The following RARB variants were observed in gnomAD, a reference collection of about 807,000 sequenced individuals.
RARB encodes HBV-activated protein.
RARB carries 17 observed loss-of-function variants against 51.9 expected under a neutral mutation model. That is an observed-to-expected ratio of 0.33 (90% CI 0.22 to 0.49). The LOEUF (loss-of-function observed/expected upper bound fraction) is 0.49. Ranked by LOEUF, RARB falls within the 20% of genes least tolerant of loss-of-function variation. The probability of loss-of-function intolerance (pLI) is 0.99; values close to 1 mark genes in which losing one functional copy is unlikely to be tolerated. For synonymous variants in RARB, 215 were observed against 195.4 expected (o/e 1.10, Z -0.84); for missense variants, 369 against 550.8 (o/e 0.67, Z 3.30).
At chr3:25,329,484 T>C (rs1159266725) in intron 5 of RARB, among the ~76,000 whole-genome samples, 1 of 151,508 alleles carries the variant, frequency 6.6e-6, no homozygotes, top group Admixed American at 6.6e-5. Flanking sequence ...AGAAAGGACA[T>C]CCACACCAAA....
intron 5 of RARB, among the ~76,000 whole-genome samples, chr3:25,316,158 G>A (rs1287191432): frequency 6.6e-6 from 1 of 152,086 alleles, no homozygotes; most frequent in Non-Finnish European, 1.5e-5. Flanking sequence ...GAGGCACCTT[G>A]TTAAGCCCAC....
intron 3 of RARB, among the ~76,000 whole-genome samples, chr3:25,095,727 C>T (rs995583907): frequency 6.6e-6 from 1 of 152,020 alleles, no homozygotes; most frequent in African/African-American, 2.4e-5. Flanking sequence ...CAGAGTATTA[C>T]ACCATCAAAA....
chr3:24,915,190 G>C (rs1053263567), intron 2 of RARB, among the ~76,000 whole-genome samples: 2 of 152,058 alleles, frequency 1.3e-5, no homozygotes, highest in African/African-American at 4.8e-5. Flanking sequence ...TGAAAGAGAG[G>C]CTTTCTTTTA....
intron 2 of RARB, among the ~76,000 whole-genome samples, chr3:25,481,361 A>C (rs1696214467): frequency 2.0e-5 from 3 of 152,228 alleles, no homozygotes; most frequent in Non-Finnish European, 4.4e-5. Context: ...CTTAAATGCC[A>C]GGAAGAAATA....
intron 5 of RARB, among the ~76,000 whole-genome samples, chr3:25,285,117 G>A (rs912423165): frequency 7.2e-5 from 11 of 152,170 alleles, no homozygotes; most frequent in Non-Finnish European, 1.6e-4. Context: ...ATAGCTGAGA[G>A]CATCATTACC....
chr3:24,866,293 C>G (rs765720130), intron 2 of RARB, among the ~76,000 whole-genome samples: 2 of 152,084 alleles, frequency 1.3e-5, no homozygotes, highest in Non-Finnish European at 2.9e-5. Flanking sequence ...GAGTGACTAC[C>G]TTGTCCAGTC....
chr3:25,578,078 C>T (rs1224339932), intron 4 of RARB, among the ~76,000 whole-genome samples: 2 of 152,336 alleles, frequency 1.3e-5, no homozygotes, highest in East Asian at 3.9e-4. Flanking sequence ...CTTTCTGCTT[C>T]TCCTTCTCTG....
intron 5 of RARB, among the ~76,000 whole-genome samples, chr3:25,273,144 A>C (rs533829849): frequency 6.6e-6 from 1 of 152,240 alleles, no homozygotes; most frequent in Admixed American, 6.5e-5. Context: ...AATTCTAAAC[A>C]CTGAGTTTAG....
At chr3:25,072,884 A>AT (rs772709673) in intron 3 of RARB, among the ~76,000 whole-genome samples, 45 of 151,266 alleles carry the variant, frequency 3.0e-4, no homozygotes, top group South Asian at 6.3e-4. Flanking sequence ...AATTTTTTGT[A>AT]TTTTTTTAGT....
chr3:25,492,512 A>C (rs1286206537), intron 2 of RARB, among the ~76,000 whole-genome samples: 1 of 152,226 alleles, frequency 6.6e-6, no homozygotes, highest in African/African-American at 2.4e-5. Flanking sequence ...AGTTAAGAAC[A>C]TGGGCCACCT....
chr3:25,523,327 G>A (rs548169493), intron 3 of RARB, among the ~76,000 whole-genome samples: 1 of 152,196 alleles, frequency 6.6e-6, no homozygotes, highest in Non-Finnish European at 1.5e-5. Flanking sequence ...ATTGTCTCAA[G>A]GAAGTGTGGG....
intron 2 of RARB, among the ~76,000 whole-genome samples, chr3:25,024,358 G>A (rs1697699283): frequency 6.6e-6 from 1 of 152,120 alleles, no homozygotes; most frequent in Non-Finnish European, 1.5e-5. Context: ...ATTTCTGAGT[G>A]TGAATTGCCC....
At chr3:24,973,120 T>A (rs1300085735) in intron 2 of RARB, among the ~76,000 whole-genome samples, 1 of 152,094 alleles carries the variant, frequency 6.6e-6, no homozygotes, top group East Asian at 1.9e-4. Context: ...GTCTTAGATT[T>A]AAGTGTTCAA....
intron 5 of RARB, among the ~76,000 whole-genome samples, chr3:25,377,403 C>A (rs1480891232): frequency 6.6e-6 from 1 of 152,162 alleles, no homozygotes; most frequent in Non-Finnish European, 1.5e-5. Flanking sequence ...AATAAACAGT[C>A]CTAATGCAAT....
chr3:25,074,979 A>G (rs897992290), intron 3 of RARB, among the ~76,000 whole-genome samples: 2 of 152,220 alleles, frequency 1.3e-5, no homozygotes, highest in African/African-American at 4.8e-5. Flanking sequence ...ACATCTCAGC[A>G]AAGAAAGTTA....
At position 24,916,780 on chromosome 3, in the gene RARB, A is replaced by AT. The variant is rs1396188507; in HGVS notation, c.-380+58028_-380+58029insT. ...GTGTTTGCTGTTCAAAAAAAAAAAA[A>AT]AAAAAACCTTGTACAAGAAGGTACA... On this transcript the variant is annotated intron_variant, in intron 2 of 11. Coordinates refer to the RARB transcript ENST00000383772. 2.6e-5 allele frequency among the ~76,000 whole-genome samples: 4 copies of AT among 151,858 alleles called. No homozygotes were observed. In the East Asian group the frequency reaches 7.7e-4, roughly 29 times the overall value.
chr3:25,325,741 T>A (rs1246922659), intron 5 of RARB, among the ~76,000 whole-genome samples: 1 of 143,440 alleles, frequency 7.0e-6, no homozygotes, highest in Non-Finnish European at 1.5e-5. Context: ...TTCCTGGTCA[T>A]GGCCACTTGT....
At chr3:25,441,157 G>T (rs1162238561) in intron 1 of RARB, 5 of 182,010 alleles carry the variant, frequency 2.7e-5, no homozygotes. Context: ...TACGTATGCA[G>T]TGTGCTGATG....
At chr3:25,282,033 G>T (rs1703535742) in intron 5 of RARB, among the ~76,000 whole-genome samples, 1 of 152,172 alleles carries the variant, frequency 6.6e-6, no homozygotes, top group African/African-American at 2.4e-5. Flanking sequence ...TAATTTCAAT[G>T]CAATTAGATA....
Sources: allele counts gnomAD v4.1 joint callset (sites outside exome capture counted in the v4.1 genomes callset), GRCh38; gene constraint gnomAD v4.1.1; transcripts MANE v1.5; gene names NCBI Gene and HGNC (gene_info 2026-07-23, HGNC 2026-07-21).